The following PTCHD4 variants were observed in gnomAD, a reference collection of about 807,000 sequenced individuals.
PTCHD4 encodes patched domain-containing protein 4.
A neutral mutation model predicts 58.1 loss-of-function variants in PTCHD4; 33 were observed. That is an observed-to-expected ratio of 0.57 (90% CI 0.43 to 0.76). PTCHD4 has a LOEUF of 0.76. PTCHD4 is among the 30% of genes least tolerant of loss of function. The probability of loss-of-function intolerance (pLI) is 0.00; values close to 1 mark genes in which losing one functional copy is unlikely to be tolerated. For missense variants in PTCHD4, 1,058 were observed against 1,027.1 expected, an observed-to-expected ratio of 1.03 and a Z score of -0.41; for synonymous variants, 478 against 409.6, an observed-to-expected ratio of 1.17 and a Z score of -2.02.
chr6:47,904,465 A>G (rs766519246), intron 4 of PTCHD4, among the ~76,000 whole-genome samples: 4 of 152,236 alleles, frequency 2.6e-5, no homozygotes, highest in Non-Finnish European at 5.9e-5. Flanking sequence ...AGTAGTTGTG[A>G]CACAGACCAT....
chr6:47,922,865 C>T (rs1765479533), intron 4 of PTCHD4, among the ~76,000 whole-genome samples: 1 of 152,190 alleles, frequency 6.6e-6, no homozygotes, highest in Non-Finnish European at 1.5e-5. Context: ...TGCCTGGTTC[C>T]CAATTACTGC....
At position 47,878,103 on chromosome 6, in the gene PTCHD4, G is replaced by A. The variant is rs75982169; in HGVS notation, c.*200C>T. 4.1e-6 allele frequency: 2 copies of A among 486,418 alleles called. No individual in the cohort carries two copies. The highest frequency in any genetic ancestry group is 4.0e-5 in the South Asian group (1 of 24,698). The allele number at this position is 486,418 out of a possible 1,614,324, so 30.1% of individuals were successfully genotyped here. A position where few individuals can be genotyped will look rare whatever the true frequency, so the allele number is the denominator to read the frequency against. ...AAACTTGTTTTTAGAGGAGAACAAG[G>A]TTGCAAATAACTTTTTCCTCTTTTT... is the stretch of plus-strand genomic sequence containing the variant. On this transcript the variant is annotated 3_prime_UTR_variant, in exon 5 of 5. Coordinates refer to ENST00000339488, the MANE Select transcript of PTCHD4 (RefSeq NM_001384253.1).
chr6:48,056,928 G>A (rs1000278740), intron 3 of PTCHD4, among the ~76,000 whole-genome samples: 5 of 152,122 alleles, frequency 3.3e-5, no homozygotes, highest in African/African-American at 1.2e-4. Flanking sequence ...AGCACACCCA[G>A]TTAAATCTGA....
rs6911546 is a variant in PTCHD4 at position 48,016,080 on chromosome 6, C to T, written c.418-6966G>A. ...GTCTGCTTATTCTAGTATAATATTT[C>T]CCCCAAATATGTTTCTTTTTCATTT... On this transcript the variant is annotated intron_variant, in intron 3 of 4. Transcript: ENST00000339488. Among the ~76,000 whole-genome samples the T allele has an allele frequency of 3.2e-3, 487 of 152,016 alleles. 10 individuals carry two copies. Among genetic ancestry groups the T allele is most frequent in the African/African-American group, 9.8e-3 (407 of 41,362 alleles).
intron 4 of PTCHD4, among the ~76,000 whole-genome samples, chr6:47,932,177 A>G (rs1765845954): frequency 6.6e-6 from 1 of 152,198 alleles, no homozygotes; most frequent in South Asian, 2.1e-4. Context: ...CTCTGTAGCC[A>G]GCTGATTTCC....
At chr6:47,965,695 A>G (rs1296723013) in intron 4 of PTCHD4, among the ~76,000 whole-genome samples, 2 of 152,150 alleles carry the variant, frequency 1.3e-5, no homozygotes, top group African/African-American at 4.8e-5. Flanking sequence ...TTGGGAGGCC[A>G]AGGAGGGCGG....
intron 3 of PTCHD4, among the ~76,000 whole-genome samples, chr6:48,049,055 G>C (rs764960904): frequency 1.4e-4 from 22 of 152,088 alleles, no homozygotes; most frequent in Middle Eastern, 3.4e-3. Context: ...TGTGGGCAGA[G>C]AAATCTGTGA....
intron 1 of PTCHD4, among the ~76,000 whole-genome samples, chr6:48,110,054 C>T (rs1765831878): frequency 1.3e-5 from 2 of 152,074 alleles, no homozygotes; most frequent in South Asian, 2.1e-4. Flanking sequence ...CACGGAGGTT[C>T]CTTAAAAGTT....
At chr6:48,076,271 A>G (rs1212996058) in intron 1 of PTCHD4, among the ~76,000 whole-genome samples, 1 of 152,198 alleles carries the variant, frequency 6.6e-6, no homozygotes, top group Non-Finnish European at 1.5e-5. Context: ...TATTTCTACC[A>G]CATCTGCTGT....
intron 3 of PTCHD4, among the ~76,000 whole-genome samples, chr6:48,029,558 C>A (rs1232279037): frequency 6.6e-6 from 1 of 152,022 alleles, no homozygotes; most frequent in East Asian, 1.9e-4. Flanking sequence ...TAAATAATCC[C>A]TTCCTTTTCT....
rs751123842 is a variant in PTCHD4 at position 47,878,586 on chromosome 6, T to G, written c.2249A>C (p.Gln750Pro). ...TTGCAAAATGGCTGTCCCATGGTCT[T>G]GCAAGGAGCTTTTTATACATTGTGT... The part of the protein sequence containing the change: ...TRTQCIKSSL[Q>P]DHGTAILQNV... The change falls in exon 5 of 5, where the codon CAA becomes CCA. Residue 750 changes from glutamine to proline, a missense_variant. Gln to Pro is a moderately conservative substitution (Grantham distance 76). Coordinates refer to ENST00000339488, the MANE Select transcript of PTCHD4 (RefSeq NM_001384253.1). The G allele has an allele frequency of 4.3e-6, 7 of 1,613,516 alleles. No homozygotes were observed. Among genetic ancestry groups the G allele is most frequent in the Non-Finnish European group, 5.9e-6 (7 of 1,179,760 alleles).
At chr6:47,999,576 C>A (rs1428905498) in intron 4 of PTCHD4, among the ~76,000 whole-genome samples, 1 of 152,104 alleles carries the variant, frequency 6.6e-6, no homozygotes, top group Non-Finnish European at 1.5e-5. Flanking sequence ...TCTTAGTGGG[C>A]CCACTATATC....
chr6:47,940,612 A>T (rs1185040346), intron 4 of PTCHD4, among the ~76,000 whole-genome samples: 1 of 152,216 alleles, frequency 6.6e-6, no homozygotes, highest in Non-Finnish European at 1.5e-5. Context: ...TAACTTTCAC[A>T]GCCTTGTAAA....
chr6:48,040,320 G>A (rs898646133), intron 3 of PTCHD4, among the ~76,000 whole-genome samples: 2 of 151,952 alleles, frequency 1.3e-5, no homozygotes, highest in Non-Finnish European at 2.9e-5. Context: ...GTGCAATAAT[G>A]GATCCCTGGC....
At chr6:48,003,923 C>T (rs1182128483) in intron 4 of PTCHD4, among the ~76,000 whole-genome samples, 1 of 152,170 alleles carries the variant, frequency 6.6e-6, no homozygotes, top group Non-Finnish European at 1.5e-5. Context: ...TCGTTTAGCT[C>T]TCTGCTTCAA....
At chr6:48,038,896 T>A (rs895440559) in intron 3 of PTCHD4, among the ~76,000 whole-genome samples, 1 of 152,102 alleles carries the variant, frequency 6.6e-6, no homozygotes, top group Admixed American at 6.6e-5. Context: ...CAAGACAACA[T>A]CTGAAAAGGT....
At chr6:48,015,959 T>A (rs1361614898) in intron 3 of PTCHD4, among the ~76,000 whole-genome samples, 1 of 151,878 alleles carries the variant, frequency 6.6e-6, no homozygotes, top group Non-Finnish European at 1.5e-5. Flanking sequence ...AGGAGACAGA[T>A]CAAGGTGCCT....
chr6:48,074,307 A>AT (rs1218657648), intron 1 of PTCHD4, among the ~76,000 whole-genome samples: 5 of 152,224 alleles, frequency 3.3e-5, no homozygotes, highest in Admixed American at 2.6e-4. Flanking sequence ...GAGCTGGTTA[A>AT]TTTAGAGACT....
rs955700510 is a variant in PTCHD4, at chr6:47,879,732, A to G, written c.1103T>C (p.Met368Thr). 1 of 1,613,690 alleles carries G rather than the reference A, an allele frequency of 6.2e-7. No individual in the cohort carries two copies. The change falls in exon 5 of 5, where the codon ATG becomes ACG. Residue 368 changes from methionine (M) to threonine (T), a missense_variant. Physicochemically the swap from Met to Thr is moderately conservative, Grantham distance 81. Coordinates refer to ENST00000339488, the MANE Select transcript of PTCHD4 (RefSeq NM_001384253.1). The part of the protein sequence containing the change: ...IEAVKVFCQN[M>T]CVSILLNYFY... Reference sequence around the variant, plus strand: ...GTAGTTCAACAGAATAGAGACACACATGTTTTGACAGAAGACCTTCACAGC... The same window carrying G: ...GTAGTTCAACAGAATAGAGACACACGTGTTTTGACAGAAGACCTTCACAGC...
Sources: allele counts gnomAD v4.1 joint callset (sites outside exome capture counted in the v4.1 genomes callset), GRCh38; gene constraint gnomAD v4.1.1; transcripts MANE v1.5; gene names NCBI Gene and HGNC (gene_info 2026-07-23, HGNC 2026-07-21).